Variants in AGBL1 observed in about 807,000 individuals in gnomAD.
AGBL1 encodes AGBL carboxypeptidase 1, also known as cytosolic carboxypeptidase 4.
Under a neutral mutation model 118.9 loss-of-function variants are expected in AGBL1, and 130 were observed. That is an observed-to-expected ratio of 1.09 (90% confidence interval 0.95 to 1.26). AGBL1 has a LOEUF of 1.26. Among genes scored for constraint, AGBL1 ranks in the 50% most tolerant of loss-of-function variants. The probability of loss-of-function intolerance (pLI) is 0.00; values close to 1 mark genes in which losing one functional copy is unlikely to be tolerated. For missense variants in AGBL1, 1,584 were observed against 1,298.1 expected, an observed-to-expected ratio of 1.22 and a Z score of -3.38; for synonymous variants, 555 against 478.9, an observed-to-expected ratio of 1.16 and a Z score of -2.08.
chr15:86,983,652 C>A (rs2141726039), intron 23 of AGBL1, among the ~76,000 whole-genome samples: 1 of 152,290 alleles, frequency 6.6e-6, no homozygotes, highest in East Asian at 1.9e-4. Flanking sequence ...AGAACACAGA[C>A]TTGTTACCTC....
intron 22 of AGBL1, among the ~76,000 whole-genome samples, chr15:86,882,009 G>T (rs1043202358): frequency 3.9e-5 from 6 of 152,106 alleles, no homozygotes; most frequent in African/African-American, 1.4e-4. Flanking sequence ...GAGATTTGGT[G>T]GGGACACAAA....
intron 23 of AGBL1, among the ~76,000 whole-genome samples, chr15:86,958,326 G>A (rs1200167959): frequency 2.0e-5 from 3 of 151,920 alleles, no homozygotes; most frequent in East Asian, 3.9e-4. Context: ...TGTGATGATC[G>A]AAATGTCTCC....
At chr15:86,582,609 G>A (rs890670308) in intron 21 of AGBL1, among the ~76,000 whole-genome samples, 1 of 152,130 alleles carries the variant, frequency 6.6e-6, no homozygotes. Flanking sequence ...TTGGAACCAA[G>A]CCAAATGTCC....
At chr15:86,633,784 GTA>G (rs371259520) in intron 21 of AGBL1, among the ~76,000 whole-genome samples, 1,133 of 107,354 alleles carry the variant, frequency 0.011, 18 homozygotes, top group African/African-American at 0.034. Flanking sequence ...TTATGTGTGT[GTA>G]TATATATATA....
intron 17 of AGBL1, among the ~76,000 whole-genome samples, chr15:86,322,724 C>A (rs1467488055): frequency 1.3e-5 from 2 of 152,266 alleles, no homozygotes; most frequent in East Asian, 3.9e-4. Flanking sequence ...ATGCTCAACA[C>A]AAGTCCAGAT....
intron 19 of AGBL1, among the ~76,000 whole-genome samples, chr15:86,539,770 T>C (rs2083469888): frequency 1.3e-5 from 2 of 152,190 alleles, no homozygotes; most frequent in Admixed American, 1.3e-4. Flanking sequence ...AAGCACCACA[T>C]AGCACACTTC....
chr15:86,674,001 C>T (rs1033984998), intron 21 of AGBL1, among the ~76,000 whole-genome samples: 2 of 152,102 alleles, frequency 1.3e-5, no homozygotes, highest in African/African-American at 4.8e-5. Context: ...TCCTGGATCT[C>T]CATATATCCC....
At chr15:86,365,098 A>G (rs2080868469) in intron 17 of AGBL1, among the ~76,000 whole-genome samples, 1 of 150,816 alleles carries the variant, frequency 6.6e-6, no homozygotes, top group South Asian at 2.1e-4. Flanking sequence ...TAATTGATTT[A>G]TTTACATCTC....
intron 18 of AGBL1, among the ~76,000 whole-genome samples, chr15:86,408,893 A>G (rs1431238): frequency 0.29 from 43,579 of 151,894 alleles, 6,811 homozygotes; most frequent in East Asian, 0.62. Context: ...CCTCACTGGA[A>G]AAAAAGTAGG....
chr15:86,295,979 T>G (rs1212393624), intron 17 of AGBL1: 1 of 153,900 alleles, frequency 6.5e-6, no homozygotes, highest in East Asian at 1.9e-4. Context: ...CATAGACACA[T>G]GTAGACACAA....
chr15:86,135,245 C>G (rs1305919005), intron 1 of AGBL1, among the ~76,000 whole-genome samples: 2 of 152,224 alleles, frequency 1.3e-5, no homozygotes, highest in Non-Finnish European at 2.9e-5. Context: ...TCTGCACATG[C>G]AGGCTCCTCT....
chr15:86,342,672 C>A (rs2080478861), intron 17 of AGBL1, among the ~76,000 whole-genome samples: 1 of 152,102 alleles, frequency 6.6e-6, no homozygotes, highest in African/African-American at 2.4e-5. Context: ...CGATCTGCCC[C>A]ATACTAACTG....
intron 5 of AGBL1, among the ~76,000 whole-genome samples, chr15:86,202,318 C>T (rs2077920574): frequency 6.6e-6 from 1 of 152,020 alleles, no homozygotes; most frequent in Admixed American, 6.6e-5. Context: ...AACAGGTAAA[C>T]CTGTGTTAGG....
intron 21 of AGBL1, among the ~76,000 whole-genome samples, chr15:86,570,790 C>A (rs1219969181): frequency 1.3e-5 from 2 of 152,106 alleles, no homozygotes; most frequent in African/African-American, 2.4e-5. Flanking sequence ...TGGCTGGAAA[C>A]CTCTGTGGCT....
chr15:86,728,746 G>A (rs892735209), intron 22 of AGBL1, among the ~76,000 whole-genome samples: 5 of 151,784 alleles, frequency 3.3e-5, no homozygotes, highest in African/African-American at 1.2e-4. Flanking sequence ...TTTTGTGTCT[G>A]GAGTTATCAA....
intron 18 of AGBL1, among the ~76,000 whole-genome samples, chr15:86,440,385 T>A (rs1306686639): frequency 6.6e-6 from 1 of 151,964 alleles, no homozygotes; most frequent in Non-Finnish European, 1.5e-5. Flanking sequence ...AAAGCCTTTT[T>A]AGATCATCAA....
chr15:86,931,018 G>T lies in AGBL1; in HGVS notation c.3222-56969G>T, dbSNP rs529540945. Among the ~76,000 whole-genome samples the T allele has an allele frequency of 1.2e-4, 19 of 152,264 alleles. No individual in the cohort carries two copies. In the East Asian group the frequency reaches 3.7e-3, roughly 30 times the overall value. On this transcript the variant is annotated intron_variant, in intron 23 of 24. Coordinates refer to the AGBL1 transcript ENST00000441037. ...TGGCATGTAGACCTCAGATAAGGAG[G>T]AGCTGAGGACTGGACTCTGACTGCC... is the stretch of plus-strand genomic sequence containing the variant.
intron 7 of AGBL1, among the ~76,000 whole-genome samples, chr15:86,252,700 G>C (rs957332497): frequency 1.3e-5 from 2 of 152,124 alleles, no homozygotes; most frequent in Non-Finnish European, 2.9e-5. Flanking sequence ...AGAAACACTT[G>C]GTTTGTGAAC....
At chr15:86,167,880 A>G (rs1344347746) in intron 5 of AGBL1, among the ~76,000 whole-genome samples, 1 of 152,238 alleles carries the variant, frequency 6.6e-6, no homozygotes, top group African/African-American at 2.4e-5. Flanking sequence ...TTAGCTCTCT[A>G]TGTGATCATT....
Sources: gnomAD v4.1 joint callset for allele counts (sites outside exome capture counted in the v4.1 genomes callset) on GRCh38, gnomAD v4.1.1 for gene constraint, MANE v1.5 for transcripts, NCBI Gene and HGNC (gene_info 2026-07-23, HGNC 2026-07-21) for gene names.